FSTL4: variants seen among roughly 807,000 people sequenced by gnomAD.
FSTL4 encodes the protein follistatin like 4, also known as follistatin-related protein 4.
In FSTL4, 28 loss-of-function variants were observed where a neutral mutation model predicts 78.2. The observed-to-expected ratio is 0.36, with a 90% CI of 0.27 to 0.49. The LOEUF (loss-of-function observed/expected upper bound fraction) is 0.49. FSTL4 is among the 20% of genes least tolerant of loss of function. The pLI, the probability that FSTL4 is intolerant of heterozygous loss-of-function variation, is 0.98. For synonymous variants in FSTL4, 422 were observed against 440.5 expected (o/e 0.96, Z 0.53); for missense variants, 922 against 1,084.9 (o/e 0.85, Z 2.11).
chr5:133,302,662 G>C (rs181968319), intron 6 of FSTL4, among the ~76,000 whole-genome samples: 1 of 152,120 alleles, frequency 6.6e-6, no homozygotes, highest in Non-Finnish European at 1.5e-5. Flanking sequence ...CCAAACCGAG[G>C]GGTGACTGCA....
intron 3 of FSTL4, among the ~76,000 whole-genome samples, chr5:133,423,400 C>T (rs1188589314): frequency 1.3e-5 from 2 of 152,216 alleles, no homozygotes; most frequent in Non-Finnish European, 2.9e-5. Context: ...CTCTTGGGTC[C>T]TTCCTGCCCT....
intron 6 of FSTL4, among the ~76,000 whole-genome samples, chr5:133,272,937 T>C (rs551244947): frequency 6.6e-6 from 1 of 152,380 alleles, no homozygotes; most frequent in South Asian, 2.1e-4. Flanking sequence ...ATATTTGTCA[T>C]AGAACAGCCC....
chr5:133,676,678 G>C, the FSTL4 span, among the ~76,000 whole-genome samples: 3 of 152,314 alleles, frequency 2.0e-5, no homozygotes, highest in Admixed American at 6.5e-5. Context: ...TACAGGCTCA[G>C]ATATTTAAAA....
intron 3 of FSTL4, among the ~76,000 whole-genome samples, chr5:133,545,817 A>T (rs1178922113): frequency 6.6e-6 from 1 of 152,254 alleles, no homozygotes; most frequent in East Asian, 1.9e-4. Flanking sequence ...AGAGAAAACT[A>T]GGGATAGTCT....
chr5:133,255,982 A>G lies in FSTL4; in HGVS notation c.728-6406T>C, dbSNP rs377522123. 1.7e-3 allele frequency among the ~76,000 whole-genome samples: 255 copies of G among 152,326 alleles called. 1 individual carries two copies. The highest frequency in any genetic ancestry group is 5.9e-3 in the African/African-American group (245 of 41,572). ...TGTAGTGATAGAAATTAAATTTCTCAAATTCTTGTCAAGCTGGTGTTAGTT... is the reference window on the plus strand; with the variant it reads ...TGTAGTGATAGAAATTAAATTTCTCGAATTCTTGTCAAGCTGGTGTTAGTT... On this transcript the variant is annotated intron_variant, in intron 6 of 15. Transcript: ENST00000265342.
the FSTL4 span, among the ~76,000 whole-genome samples, chr5:133,711,341 C>A: frequency 2.1e-4 from 32 of 152,290 alleles, no homozygotes; most frequent in Middle Eastern, 3.4e-3. Flanking sequence ...AGAGCAAGAA[C>A]AGCCTGACTC....
At chr5:133,713,835 C>T in the FSTL4 span, among the ~76,000 whole-genome samples, 1 of 152,194 alleles carries the variant, frequency 6.6e-6, no homozygotes, top group Non-Finnish European at 1.5e-5. Flanking sequence ...AGGGAAGTAG[C>T]AAGAGTGAAG....
the FSTL4 span, among the ~76,000 whole-genome samples, chr5:133,702,309 A>G: frequency 2.6e-5 from 4 of 152,250 alleles, no homozygotes; most frequent in African/African-American, 9.6e-5. Context: ...GCAGAGTCCC[A>G]GCATCTTAAG....
At chr5:133,392,698 G>A (rs138802563) in intron 4 of FSTL4, among the ~76,000 whole-genome samples, 3 of 151,286 alleles carry the variant, frequency 2.0e-5, no homozygotes, top group East Asian at 1.9e-4. Context: ...CTGGGCTTTA[G>A]GATGAGAGAG....
chr5:133,714,565 G>A, the FSTL4 span, among the ~76,000 whole-genome samples: 1 of 152,160 alleles, frequency 6.6e-6, no homozygotes, highest in Admixed American at 6.5e-5. Flanking sequence ...ACAACAACCT[G>A]GAGAATTGAA....
chr5:133,273,654 A>G (rs1290754329), intron 6 of FSTL4, among the ~76,000 whole-genome samples: 1 of 152,196 alleles, frequency 6.6e-6, no homozygotes, highest in African/African-American at 2.4e-5. Context: ...GGTTTCAGGA[A>G]CCCAGCAGGC....
At chr5:133,638,507 A>T in the FSTL4 span, among the ~76,000 whole-genome samples, 1 of 152,022 alleles carries the variant, frequency 6.6e-6, no homozygotes, top group African/African-American at 2.4e-5. Context: ...TATTCCCAGG[A>T]TACTCCAGGC....
At chr5:133,535,992 C>G (rs1188012923) in intron 3 of FSTL4, among the ~76,000 whole-genome samples, 1 of 152,152 alleles carries the variant, frequency 6.6e-6, no homozygotes, top group Non-Finnish European at 1.5e-5. Flanking sequence ...ATGCCTTGTT[C>G]ATCTTTCTTT....
chr5:133,318,512 G>C (rs960404860), intron 4 of FSTL4, among the ~76,000 whole-genome samples: 21 of 152,234 alleles, frequency 1.4e-4, no homozygotes, highest in Non-Finnish European at 2.9e-4. Flanking sequence ...GAAAGTGGAG[G>C]TGGGGCCAGC....
chr5:133,410,169 C>G (rs1426115718), intron 3 of FSTL4, among the ~76,000 whole-genome samples: 1 of 152,222 alleles, frequency 6.6e-6, no homozygotes, highest in South Asian at 2.1e-4. Flanking sequence ...AATACGATTT[C>G]TGCCCTTGGG....
At chr5:133,300,392 T>C (rs919262720) in intron 6 of FSTL4, among the ~76,000 whole-genome samples, 3 of 152,152 alleles carry the variant, frequency 2.0e-5, no homozygotes, top group African/African-American at 4.8e-5. Context: ...TTAGGCCCCG[T>C]TCCCCACCCA....
intron 4 of FSTL4, among the ~76,000 whole-genome samples, chr5:133,383,345 T>C (rs1755621195): frequency 6.6e-6 from 1 of 152,110 alleles, no homozygotes; most frequent in Non-Finnish European, 1.5e-5. Flanking sequence ...GCTGTGCTTT[T>C]TGGCTTTGAG....
intron 4 of FSTL4, among the ~76,000 whole-genome samples, chr5:133,366,831 G>T (rs1020676454): frequency 2.0e-5 from 3 of 152,010 alleles, no homozygotes; most frequent in African/African-American, 7.3e-5. Context: ...GTTTTGAACT[G>T]AGGTCTACTT....
the FSTL4 span, among the ~76,000 whole-genome samples, chr5:133,623,655 A>C: frequency 1.3e-5 from 2 of 152,094 alleles, no homozygotes; most frequent in Non-Finnish European, 1.5e-5. Flanking sequence ...GAGTTTATCA[A>C]AATTTAAAAA....
Sources: gnomAD v4.1 joint callset for allele counts (sites outside exome capture counted in the v4.1 genomes callset) on GRCh38, gnomAD v4.1.1 for gene constraint, MANE v1.5 for transcripts, NCBI Gene and HGNC (gene_info 2026-07-23, HGNC 2026-07-21) for gene names.